The following LMX1B variants were observed in gnomAD, a reference collection of about 807,000 sequenced individuals.
LMX1B encodes LIM homeobox transcription factor 1-beta.
Under a neutral mutation model 51.4 loss-of-function variants are expected in LMX1B, and 12 were observed. The observed-to-expected ratio is 0.23, with a 90% confidence interval of 0.15 to 0.38. The LOEUF (loss-of-function observed/expected upper bound fraction) is 0.38. Ranked by LOEUF, LMX1B falls within the 10% of genes least tolerant of loss-of-function variation. LMX1B has a pLI of 1.00. For missense variants in LMX1B, 445 were observed against 571.1 expected, an observed-to-expected ratio of 0.78 and a Z score of 2.25; for synonymous variants, 237 against 235.4, an observed-to-expected ratio of 1.01 and a Z score of -0.06.
Position 126,671,582 on chromosome 9 carries a change from C to A in LMX1B, c.327-19254C>A, listed in dbSNP as rs553260575. 6.6e-6 allele frequency among the ~76,000 whole-genome samples: 1 copy of A among 152,222 alleles called. No homozygotes were observed. The highest frequency in any genetic ancestry group is 1.5e-5 in the Non-Finnish European group (1 of 68,028). On this transcript the variant is annotated intron_variant, in intron 2 of 7. Transcript: ENST00000373474. This position sits in a 1 kb window ranked among gnomAD's most constrained non-coding sequence, Gnocchi z 4.4. ...CCGAGAGGCCGCAAAAACACAGACA[C>A]CCCAGACGGGGCACTGCTCCAGGCC...
At chr9:126,674,213 C>A (rs183333440) in intron 2 of LMX1B, among the ~76,000 whole-genome samples, 1 of 152,134 alleles carries the variant, frequency 6.6e-6, no homozygotes, top group African/African-American at 2.4e-5. Context: ...GGGGTCTTCC[C>A]CAGTGGTGAC....
intron 2 of LMX1B, among the ~76,000 whole-genome samples, chr9:126,647,134 C>T (rs1400176241): frequency 2.0e-5 from 3 of 151,990 alleles, no homozygotes; most frequent in African/African-American, 7.3e-5. Flanking sequence ...CCCAGGAGTT[C>T]AAGTCTGCAG....
rs1835512233 is a variant in LMX1B, at chr9:126,625,685, T to G, written c.326+10116T>G. Among the ~76,000 whole-genome samples, 1 of 152,192 alleles carries G rather than the reference T, an allele frequency of 6.6e-6. No individual in the cohort carries two copies. The highest frequency in any genetic ancestry group is 2.4e-5 in the African/African-American group (1 of 41,446). ...GAAACCCTCTTCTCCGCCAGGCCCGTGGCGCCTTTCTCGCCACCTCCGCCG... is the reference window on the plus strand; with the variant it reads ...GAAACCCTCTTCTCCGCCAGGCCCGGGGCGCCTTTCTCGCCACCTCCGCCG... On this transcript the variant is annotated intron_variant, in intron 2 of 7. Transcript: ENST00000373474. The surrounding 1 kb of genome is among the most constrained non-coding windows in gnomAD (Gnocchi z 5.3).
chr9:126,664,354 AC>A (rs1054186031), intron 2 of LMX1B, among the ~76,000 whole-genome samples: 2 of 151,754 alleles, frequency 1.3e-5, no homozygotes, highest in South Asian at 2.1e-4. Context: ...CCCCCAAGTT[AC>A]CCCCGCAGCG....
At position 126,698,742 on chromosome 9, in the gene LMX1B, C is replaced by T. The variant is rs1471088436; in HGVS notation, c.*2291C>T. 1.3e-5 allele frequency: 2 copies of T among 152,488 alleles called. No homozygotes were observed. The highest frequency in any genetic ancestry group is 2.4e-5 in the African/African-American group (1 of 41,470). The allele number at this position is 152,488 out of a possible 1,614,324, so 9.4% of individuals were successfully genotyped here. On this transcript the variant is annotated 3_prime_UTR_variant, in exon 8 of 8. Coordinates refer to ENST00000373474, the MANE Select transcript of LMX1B (RefSeq NM_001174147.2). ...GTCCCTTTTCCACCTTTGGGGCCCT[C>T]TGCCTGGATCTCTGGAATCCTCTAA...
At chr9:126,631,425 CCTAATGCCTA>C (rs1040493304) in intron 2 of LMX1B, among the ~76,000 whole-genome samples, 81 of 152,218 alleles carry the variant, frequency 5.3e-4, no homozygotes, top group African/African-American at 1.9e-3. Context: ...AGGTAAGAGA[CCTAATGCCTA>C]TTAGGTCTGG....
intron 4 of LMX1B, 87 bp downstream of exon 4, chr9:126,693,410 TA>T: frequency 6.5e-7 from 1 of 1,540,250 alleles, no homozygotes; most frequent in Non-Finnish European, 8.9e-7. Flanking sequence ...CTGCTGGGGG[TA>T]GGGACATCCC....
rs1179948918 is a variant in LMX1B at position 126,677,802 on chromosome 9, G to A, written c.327-13034G>A. ...GGGCATGTACTCAGGGCATTGCGGG[G>A]AGGAGGAAGCTTAGTCCAGATCTCA... On this transcript the variant is annotated intron_variant, in intron 2 of 7. Coordinates refer to ENST00000373474, the MANE Select transcript of LMX1B (RefSeq NM_001174147.2). The surrounding 1 kb of genome is among the most constrained non-coding windows in gnomAD (Gnocchi z 5.0). 6.6e-6 allele frequency among the ~76,000 whole-genome samples: 1 copy of A among 152,180 alleles called. No individual in the cohort carries two copies. The highest frequency in any genetic ancestry group is 1.5e-5 in the Non-Finnish European group (1 of 68,032).
chr9:126,670,739 T>C (rs1259373112), intron 2 of LMX1B, among the ~76,000 whole-genome samples: 1 of 152,138 alleles, frequency 6.6e-6, no homozygotes, highest in Non-Finnish European at 1.5e-5. Flanking sequence ...CTTGGATAGG[T>C]TCTTGGAAAC....
intron 2 of LMX1B, among the ~76,000 whole-genome samples, chr9:126,666,080 C>T (rs1836338352): frequency 6.6e-6 from 1 of 152,260 alleles, no homozygotes; most frequent in African/African-American, 2.4e-5. Flanking sequence ...GAACAACCTA[C>T]CAGGCAGCTT....
In LMX1B at chr9:126,653,491, G is replaced by A. The variant is rs116085625; in HGVS notation, c.327-37345G>A. Among the ~76,000 whole-genome samples the A allele has an allele frequency of 7.0e-3, 1,058 of 152,120 alleles. 13 individuals are homozygous for A. The highest frequency in any genetic ancestry group is 0.024 in the African/African-American group (1,011 of 41,500). On this transcript the variant is annotated intron_variant, in intron 2 of 7. Coordinates refer to ENST00000373474, the MANE Select transcript of LMX1B (RefSeq NM_001174147.2). ...GCTTTTTAATTCAGCTTTTTATTTT[G>A]AGATAATTGTAGATTCATAGGCAAT...
Position 126,614,468 on chromosome 9 carries a change from C to G in LMX1B, c.19C>G (p.Pro7Ala), listed in dbSNP as rs767281663. MDIATGPESLERCFPRG... is the reference protein window; with the variant it reads MDIATGAESLERCFPRG... ...GCGTCCCATGGATATAGCAACAGGT[C>G]CCGAGTCGCTGGAGAGGTGCTTCCC... The change falls in exon 1 of 8, where the codon CCC becomes GCC. Residue 7 changes from proline to alanine, a missense_variant. Transcript: ENST00000373474. 4.4e-5 allele frequency: 69 copies of G among 1,578,884 alleles called. No homozygotes were observed. The highest frequency in any genetic ancestry group is 6.7e-5 in the African/African-American group (5 of 74,092).
At chr9:126,653,561 C>T (rs1386921495) in intron 2 of LMX1B, among the ~76,000 whole-genome samples, 1 of 152,204 alleles carries the variant, frequency 6.6e-6, no homozygotes, top group Non-Finnish European at 1.5e-5. Context: ...CAGTCTTGCA[C>T]AGCCGCGGGA....
At position 126,676,947 on chromosome 9, in the gene LMX1B, T is replaced by C. The variant is rs1489333114; in HGVS notation, c.327-13889T>C. On this transcript the variant is annotated intron_variant, in intron 2 of 7. Transcript: ENST00000373474. ...CTCTTCTCTGTACCTGCTGGGAGCTTAATTAAAAAACAAAGAGGCTCAATT... is the reference window on the plus strand; with the variant it reads ...CTCTTCTCTGTACCTGCTGGGAGCTCAATTAAAAAACAAAGAGGCTCAATT... 2.6e-5 allele frequency among the ~76,000 whole-genome samples: 4 copies of C among 152,266 alleles called. No homozygotes were observed. The East Asian group carries it at 7.7e-4, about 29-fold the overall frequency.
At chr9:126,648,452 C>A (rs1239095227) in intron 2 of LMX1B, among the ~76,000 whole-genome samples, 1 of 152,136 alleles carries the variant, frequency 6.6e-6, no homozygotes, top group African/African-American at 2.4e-5. Flanking sequence ...GTGTTGGGGG[C>A]GGGACCCGGC....
chr9:126,636,009 C>T (rs762953301), intron 2 of LMX1B, among the ~76,000 whole-genome samples: 2 of 152,100 alleles, frequency 1.3e-5, no homozygotes, highest in Non-Finnish European at 2.9e-5. Context: ...CCACTTCCTG[C>T]TAGAAGACAG....
chr9:126,617,508 A>C (rs1430649443), intron 2 of LMX1B, among the ~76,000 whole-genome samples: 1 of 151,974 alleles, frequency 6.6e-6, no homozygotes, highest in Non-Finnish European at 1.5e-5. Flanking sequence ...AAAAAAGGAA[A>C]GGATAACCCC....
intron 2 of LMX1B, among the ~76,000 whole-genome samples, chr9:126,628,028 G>T (rs1311233135): frequency 6.6e-6 from 1 of 152,210 alleles, no homozygotes; most frequent in Non-Finnish European, 1.5e-5. Context: ...AAATGATTTT[G>T]AGAGTTTTCT....
intron 2 of LMX1B, among the ~76,000 whole-genome samples, chr9:126,665,705 C>T (rs1011920230): frequency 6.6e-6 from 1 of 152,198 alleles, no homozygotes; most frequent in African/African-American, 2.4e-5. Context: ...CTTCACCAGC[C>T]GTGGAGAATC....
Sources: gnomAD v4.1 joint callset for allele counts (sites outside exome capture counted in the v4.1 genomes callset) on GRCh38, gnomAD v4.1.1 for gene constraint, Gnocchi (gnomAD v3.1) non-coding constraint, MANE v1.5 for transcripts, NCBI Gene and HGNC (gene_info 2026-07-23, HGNC 2026-07-21) for gene names.